CABIN1: variants seen among roughly 807,000 people sequenced by gnomAD.
The protein encoded by CABIN1 is calcineurin binding protein 1.
In CABIN1, 133 loss-of-function variants were observed where a neutral mutation model predicts 227.7. The ratio of observed to expected loss-of-function variants is 0.58; its 90% CI spans 0.51 to 0.67. The LOEUF (loss-of-function observed/expected upper bound fraction) is 0.67, where lower values mean the gene tolerates loss of function less well. Ranked by LOEUF, CABIN1 falls within the 30% of genes least tolerant of loss-of-function variation. The probability of loss-of-function intolerance (pLI) is 0.00; values close to 1 mark genes in which losing one functional copy is unlikely to be tolerated. For synonymous variants in CABIN1, 1,086 were observed against 1,155.1 expected (o/e 0.94, Z 1.21); for missense variants, 2,408 against 2,852.5 (o/e 0.84, Z 3.55).
chr22:24,176,167 C>T lies in CABIN1; in HGVS notation c.6097C>T (p.Arg2033Trp), dbSNP rs760498001. The T allele has an allele frequency of 8.1e-6, 13 of 1,610,768 alleles. No individual in the cohort carries two copies. The highest frequency in any genetic ancestry group is 4.5e-5 in the East Asian group (2 of 44,808). ...CACCAGCTTCCCGCCTCAGGAGCCA[C>T]GGCACAGTCCGCAGGTGAAGATGGC... ...EGTSFPPQEP[R>W]HSPQVKMAPT... Residue 2033 changes from arginine to tryptophan, a missense_variant, in exon 35 of 37, where the codon CGG (arginine) becomes TGG (tryptophan). Coordinates refer to ENST00000263119, the MANE Select transcript of CABIN1 (RefSeq NM_012295.4).
chr22:24,015,122 C>T (rs548146991), intron 1 of CABIN1, among the ~76,000 whole-genome samples: 46 of 151,390 alleles, frequency 3.0e-4, no homozygotes, highest in Admixed American at 2.9e-3. Flanking sequence ...AAAAATTAGC[C>T]GGGTGTGGTG....
At chr22:24,168,627 T>C (rs1022776998) in intron 33 of CABIN1, 106 bp downstream of exon 33, 8 of 963,980 alleles carry the variant, frequency 8.3e-6, no homozygotes, top group Admixed American at 8.0e-5. Context: ...ACTGTTCTTG[T>C]GGTCAGCTTG....
chr22:24,165,656 C>A, intron 31 of CABIN1, 30 bp downstream of exon 31: 1 of 1,578,818 alleles, frequency 6.3e-7, no homozygotes, highest in Non-Finnish European at 8.7e-7. Flanking sequence ...CTCTCCTCCA[C>A]GGCCCATGAA....
chr22:24,078,953 A>G (rs994059929), intron 19 of CABIN1, among the ~76,000 whole-genome samples: 3 of 137,904 alleles, frequency 2.2e-5, no homozygotes, highest in Admixed American at 6.9e-5. Context: ...TTACATACTA[A>G]ATATATAGTA....
intron 23 of CABIN1, among the ~76,000 whole-genome samples, chr22:24,089,352 C>G (rs1036438440): frequency 6.6e-5 from 10 of 152,170 alleles, no homozygotes; most frequent in African/African-American, 2.2e-4. Flanking sequence ...TTTGTTCTTT[C>G]CTCTACTTAG....
At chr22:24,017,928 A>G (rs747847403) in intron 1 of CABIN1, among the ~76,000 whole-genome samples, 4 of 152,120 alleles carry the variant, frequency 2.6e-5, no homozygotes, top group Non-Finnish European at 5.9e-5. Context: ...CTGGAATGCA[A>G]TGGCGTGATC....
intron 29 of CABIN1, among the ~76,000 whole-genome samples, chr22:24,154,402 G>GT (rs879717488): frequency 4.6e-5 from 7 of 152,196 alleles, no homozygotes; most frequent in Non-Finnish European, 8.8e-5. Context: ...CCAGTGTCCA[G>GT]TGTTTCTGAA....
chr22:24,176,126 C>G lies in CABIN1; in HGVS notation c.6056C>G (p.Ala2019Gly). ...GTCCCCACAGAGGGAGAAGAGCTGG[C>G]GAGAGTGGCAGAGGGCACCAGCTTC... is the stretch of plus-strand genomic sequence containing the variant. Reference protein sequence around the residue: ...ASLGPEGEELARVAEGTSFPP... With the variant: ...ASLGPEGEELGRVAEGTSFPP... Residue 2019 changes from alanine (A) to glycine (G), a missense_variant, in exon 35 of 37, where the codon GCG becomes GGG. Transcript: ENST00000263119. The G allele has an allele frequency of 1.2e-6, 2 of 1,610,668 alleles. No homozygotes were observed. Among genetic ancestry groups the G allele is most frequent in the South Asian group, 2.2e-5 (2 of 90,612 alleles).
chr22:24,016,570 T>G (rs986945577), intron 1 of CABIN1, among the ~76,000 whole-genome samples: 14 of 152,260 alleles, frequency 9.2e-5, no homozygotes, highest in African/African-American at 2.9e-4. Flanking sequence ...GCTGCTTCCA[T>G]TATCTTGCAG....
chr22:24,021,532 G>A, intron 1 of CABIN1, among the ~76,000 whole-genome samples: 1 of 152,100 alleles, frequency 6.6e-6, no homozygotes. Flanking sequence ...GCCCAGGCTG[G>A]ACTTGAACTT....
intron 1 of CABIN1, among the ~76,000 whole-genome samples, chr22:24,022,345 G>A (rs2035783358): frequency 6.6e-6 from 1 of 152,186 alleles, no homozygotes; most frequent in South Asian, 2.1e-4. Context: ...AGAATGTCAT[G>A]TAAATAGAAA....
At chr22:24,084,308 G>A (rs1039906844) in intron 20 of CABIN1, among the ~76,000 whole-genome samples, 3 of 150,632 alleles carry the variant, frequency 2.0e-5, no homozygotes, top group Non-Finnish European at 2.9e-5. Context: ...GTGCCATCTC[G>A]GCTCACTGCA....
At chr22:24,104,697 T>C (rs913433671) in intron 26 of CABIN1, among the ~76,000 whole-genome samples, 2 of 152,242 alleles carry the variant, frequency 1.3e-5, no homozygotes, top group Admixed American at 1.3e-4. Flanking sequence ...GCACCCCGAT[T>C]TCCCGGGCCA....
chr22:24,164,989 G>A (rs551317573), intron 30 of CABIN1, among the ~76,000 whole-genome samples: 2 of 152,320 alleles, frequency 1.3e-5, no homozygotes, highest in South Asian at 2.1e-4. Context: ...GGAGCTCTCC[G>A]CCAGAAAGGG....
chr22:24,133,405 C>G (rs553042928), intron 28 of CABIN1, among the ~76,000 whole-genome samples: 1 of 152,298 alleles, frequency 6.6e-6, no homozygotes, highest in Admixed American at 6.5e-5. Context: ...GCTTGCAGGC[C>G]AAGAAGTGAG....
At chr22:24,054,522 T>C (rs2038626964) in intron 8 of CABIN1, among the ~76,000 whole-genome samples, 1 of 152,192 alleles carries the variant, frequency 6.6e-6, no homozygotes, top group Non-Finnish European at 1.5e-5. Context: ...TTTAAAGACT[T>C]GACCTTCCTG....
chr22:24,122,136 A>C (rs1602207794), intron 28 of CABIN1, among the ~76,000 whole-genome samples: 2 of 147,494 alleles, frequency 1.4e-5, no homozygotes, highest in Middle Eastern at 3.5e-3. Flanking sequence ...TTAGCTCAGC[A>C]CTAGACACAA....
chr22:24,119,323 G>T (rs777992310), intron 27 of CABIN1, 44 bp from the exon 28 acceptor site: 12 of 1,546,412 alleles, frequency 7.8e-6, no homozygotes, highest in African/African-American at 1.4e-5. Flanking sequence ...CATGGACAGG[G>T]CCTAAAACCA....
intron 1 of CABIN1, among the ~76,000 whole-genome samples, chr22:24,015,226 A>G (rs2035162563): frequency 8.1e-6 from 1 of 123,182 alleles, no homozygotes; most frequent in Non-Finnish European, 1.6e-5. Flanking sequence ...AGATTGCACC[A>G]CTGCACTCCA....
Sources: allele counts gnomAD v4.1 joint callset (sites outside exome capture counted in the v4.1 genomes callset), GRCh38; gene constraint gnomAD v4.1.1; transcripts MANE v1.5; gene names NCBI Gene and HGNC (gene_info 2026-07-23, HGNC 2026-07-21).